Variants in GPHN observed in about 807,000 individuals in gnomAD.
GPHN encodes the protein gephyrin.
A neutral mutation model predicts 95.5 loss-of-function variants in GPHN; 17 were observed. The ratio of observed to expected loss-of-function variants is 0.18; its 90% CI spans 0.12 to 0.27. The LOEUF (loss-of-function observed/expected upper bound fraction) is 0.27. GPHN is among the 10% of genes least tolerant of loss of function. The pLI is 1.00. For synonymous variants in GPHN, 320 were observed against 322.5 expected (o/e 0.99, Z 0.08); for missense variants, 660 against 978.1 (o/e 0.67, Z 4.34).
the GPHN span, chr14:67,620,180 A>T: frequency 3.7e-6 from 3 of 814,258 alleles, no homozygotes; most frequent in Admixed American, 9.5e-5. Context: ...CCGGGAGGCG[A>T]GGAGAGGATG....
At chr14:67,392,511 T>C in the GPHN span, 1 of 1,277,234 alleles carries the variant, frequency 7.8e-7, no homozygotes, top group African/African-American at 1.5e-5. Flanking sequence ...GAAAGGAAAT[T>C]CCTCAGGACA....
At position 66,623,262 on chromosome 14, in the gene GPHN, G is replaced by A. The variant is rs118098816; in HGVS notation, c.65-57845G>A. On this transcript the variant is annotated intron_variant, in intron 1 of 22. Transcript: ENST00000478722. ...ATTCACTATAATGAGGACAGCACACGAAAGACCCACCCCCATAATTCAATC... is the reference window on the plus strand; with the variant it reads ...ATTCACTATAATGAGGACAGCACACAAAAGACCCACCCCCATAATTCAATC... 2.6e-5 allele frequency among the ~76,000 whole-genome samples: 4 copies of A among 152,026 alleles called. No homozygotes were observed. In the East Asian group the frequency reaches 5.8e-4, roughly 22 times the overall value.
the GPHN span, chr14:67,301,905 G>A: frequency 1.3e-5 from 20 of 1,496,858 alleles, no homozygotes; most frequent in African/African-American, 4.3e-5. Flanking sequence ...ATGTACATAG[G>A]TTAAAAATCA....
intron 2 of GPHN, among the ~76,000 whole-genome samples, chr14:66,695,536 C>A (rs1238134921): frequency 6.6e-6 from 1 of 152,164 alleles, no homozygotes; most frequent in Admixed American, 6.5e-5. Flanking sequence ...TGAAAATGTA[C>A]ATCCACACAA....
intron 3 of GPHN, among the ~76,000 whole-genome samples, chr14:66,814,415 T>C (rs2060884593): frequency 6.6e-6 from 1 of 152,112 alleles, no homozygotes; most frequent in Non-Finnish European, 1.5e-5. Flanking sequence ...CTGCATCTGT[T>C]AGCACTCTTC....
chr14:66,768,150 CTG>C (rs1269723617), intron 2 of GPHN, among the ~76,000 whole-genome samples: 15 of 151,700 alleles, frequency 9.9e-5, no homozygotes, highest in Non-Finnish European at 2.1e-4. Context: ...AAAGATAAAA[CTG>C]AGTAATGATC....
chr14:67,572,444 A>G, the GPHN span, among the ~76,000 whole-genome samples: 1 of 152,222 alleles, frequency 6.6e-6, no homozygotes, highest in Admixed American at 6.5e-5. Context: ...ATGGAGTCAG[A>G]CACACAGACC....
intron 1 of GPHN, among the ~76,000 whole-genome samples, chr14:66,511,340 C>G (rs933577172): frequency 6.6e-6 from 1 of 152,028 alleles, no homozygotes; most frequent in Non-Finnish European, 1.5e-5. Flanking sequence ...TTGAGTTGAA[C>G]TGTGGTTTTT....
At chr14:67,618,827 G>A in the GPHN span, among the ~76,000 whole-genome samples, 1 of 152,150 alleles carries the variant, frequency 6.6e-6, no homozygotes, top group South Asian at 2.1e-4. Context: ...ATACAACAGA[G>A]CCTCTAAAAA....
intron 3 of GPHN, among the ~76,000 whole-genome samples, chr14:66,790,806 G>A (rs1209888024): frequency 6.6e-6 from 1 of 152,238 alleles, no homozygotes; most frequent in Non-Finnish European, 1.5e-5. Context: ...TGTCAGTAAT[G>A]AAGGGTTTCT....
the GPHN span, among the ~76,000 whole-genome samples, chr14:67,566,573 C>T: frequency 6.6e-6 from 1 of 151,992 alleles, no homozygotes; most frequent in Non-Finnish European, 1.5e-5. Context: ...GGCGAAACCC[C>T]ATGTCTACCA....
chr14:67,355,449 CAAAAAAA>C, the GPHN span, among the ~76,000 whole-genome samples: 9 of 18,956 alleles, frequency 4.7e-4, 1 homozygote, highest in Non-Finnish European at 8.7e-4. Flanking sequence ...GACCCTGTCT[CAAAAAAA>C]AAAAAAAAAA....
chr14:67,667,912 C>T, the GPHN span, among the ~76,000 whole-genome samples: 1 of 152,178 alleles, frequency 6.6e-6, no homozygotes, highest in East Asian at 1.9e-4. Context: ...CCACTGCACT[C>T]CAGCCTGGGT....
At chr14:66,787,874 T>C (rs2059833214) in intron 3 of GPHN, among the ~76,000 whole-genome samples, 1 of 148,064 alleles carries the variant, frequency 6.8e-6, no homozygotes. Flanking sequence ...ATATATACTG[T>C]AAAACTGTCA....
At chr14:67,655,712 G>A in the GPHN span, among the ~76,000 whole-genome samples, 1 of 152,172 alleles carries the variant, frequency 6.6e-6, no homozygotes, top group Non-Finnish European at 1.5e-5. Flanking sequence ...TTAGATGTGT[G>A]AGAAATTAAA....
At chr14:67,722,592 G>A in the GPHN span, 5 of 1,517,618 alleles carry the variant, frequency 3.3e-6, no homozygotes, top group Non-Finnish European at 3.7e-6. Context: ...CAGAGCTGGG[G>A]TTGAAGCTGG....
the GPHN span, among the ~76,000 whole-genome samples, chr14:67,281,088 C>T: frequency 0.011 from 1,602 of 151,504 alleles, 11 homozygotes; most frequent in Non-Finnish European, 0.016. Context: ...TAGTAGAGAC[C>T]GGGTTTCACC....
At chr14:67,076,769 T>G (rs1344816619) in intron 11 of GPHN, among the ~76,000 whole-genome samples, 1 of 152,176 alleles carries the variant, frequency 6.6e-6, no homozygotes, top group Non-Finnish European at 1.5e-5. Context: ...CAGATGGATT[T>G]ATGTCCACAT....
the GPHN span, among the ~76,000 whole-genome samples, chr14:67,284,950 T>C: frequency 6.6e-6 from 1 of 152,194 alleles, no homozygotes; most frequent in Admixed American, 6.5e-5. Context: ...GGGATCTCAC[T>C]GTGTTGCCCA....
Sources: allele counts gnomAD v4.1 joint callset (sites outside exome capture counted in the v4.1 genomes callset), GRCh38; gene constraint gnomAD v4.1.1; transcripts MANE v1.5; gene names NCBI Gene and HGNC (gene_info 2026-07-23, HGNC 2026-07-21).